Variants in CPPED1 observed in about 807,000 individuals in gnomAD.
CPPED1 encodes the protein serine/threonine-protein phosphatase CPPED1.
CPPED1 carries 28 observed loss-of-function variants against 28.0 expected under a neutral mutation model. The observed-to-expected ratio is 1.00, with a 90% CI of 0.74 to 1.37. CPPED1 has a LOEUF of 1.37. Ranked by LOEUF, CPPED1 falls within the 40% of genes most tolerant of loss-of-function variation. CPPED1 has a pLI of 0.00. For synonymous variants in CPPED1, 198 were observed against 180.2 expected (o/e 1.10, Z -0.79); for missense variants, 504 against 416.5 (o/e 1.21, Z -1.83).
In CPPED1 at chr16:12,671,438, G is replaced by GA. The variant is rs887226709; in HGVS notation, c.716-6324dup. Among the ~76,000 whole-genome samples the GA allele has an allele frequency of 4.0e-5, 6 of 150,446 alleles. No homozygotes were observed. The South Asian group carries it at 6.3e-4, about 16-fold the overall frequency. On this transcript the variant is annotated intron_variant, in intron 3 of 3. Transcript: ENST00000381774. ...GAGGAGACAAGAGAGCAAGGGGAGA[G>GA]AAAAAAAAAGGGCATGAAGGGAATA...
chr16:12,792,719 C>G (rs957889022), intron 1 of CPPED1, among the ~76,000 whole-genome samples: 1 of 152,146 alleles, frequency 6.6e-6, no homozygotes, highest in Non-Finnish European at 1.5e-5. Flanking sequence ...GAATAAGTCT[C>G]ACGAGATCTG....
intron 1 of CPPED1, among the ~76,000 whole-genome samples, chr16:12,799,159 G>C (rs893294602): frequency 4.6e-5 from 7 of 152,070 alleles, no homozygotes; most frequent in African/African-American, 1.7e-4. Flanking sequence ...GAAGGGTTCA[G>C]AGCTGTGATT....
chr16:12,677,430 G>C (rs1211308939), intron 3 of CPPED1, among the ~76,000 whole-genome samples: 9 of 152,232 alleles, frequency 5.9e-5, no homozygotes, highest in Non-Finnish European at 1.3e-4. Flanking sequence ...CTTGAGGCTA[G>C]GAGTTTGAGA....
chr16:12,756,489 C>T (rs76756046), intron 2 of CPPED1, among the ~76,000 whole-genome samples: 5 of 152,022 alleles, frequency 3.3e-5, no homozygotes, highest in South Asian at 2.1e-4. Context: ...GAGGTCAGTT[C>T]GAGACCAGCT....
At chr16:12,767,535 C>A (rs1430477075) in intron 2 of CPPED1, among the ~76,000 whole-genome samples, 1 of 152,190 alleles carries the variant, frequency 6.6e-6, no homozygotes, top group Non-Finnish European at 1.5e-5. Context: ...CTCCCCACTG[C>A]AGTCCCCAGA....
Position 12,664,755 on chromosome 16 carries a change from G to A in CPPED1, c.*131C>T. 1.3e-6 allele frequency: 2 copies of A among 1,503,138 alleles called. No individual in the cohort carries two copies. The highest frequency in any genetic ancestry group is 1.8e-6 in the Non-Finnish European group (2 of 1,136,936). The allele number at this position is 1,503,138 out of a possible 1,614,324, so 93.1% of individuals were successfully genotyped here. ...ACAGGGCCCCAGCTCTCTGATTTAT[G>A]CAAAAGGACATAAATTCACAAACCT... On this transcript the variant is annotated 3_prime_UTR_variant, in exon 4 of 4. Transcript: ENST00000381774. The surrounding 1 kb of genome is among the most constrained non-coding windows in gnomAD (Gnocchi z 4.2).
At chr16:12,801,467 T>TA (rs1172665031) in intron 1 of CPPED1, among the ~76,000 whole-genome samples, 2 of 151,684 alleles carry the variant, frequency 1.3e-5, no homozygotes, top group Non-Finnish European at 2.9e-5. Context: ...AAAAAAATAA[T>TA]ACAGCAGAGT....
intron 2 of CPPED1, among the ~76,000 whole-genome samples, chr16:12,735,923 C>T (rs1273699571): frequency 3.3e-5 from 5 of 152,300 alleles, no homozygotes; most frequent in African/African-American, 1.2e-4. Flanking sequence ...TATATTTAAA[C>T]TGCCCCTAAT....
In CPPED1 at chr16:12,664,780, T is replaced by C; in HGVS notation, c.*106A>G. On this transcript the variant is annotated 3_prime_UTR_variant, in exon 4 of 4. Transcript: ENST00000381774. The surrounding 1 kb of genome is among the most constrained non-coding windows in gnomAD (Gnocchi z 4.2). ...GCAAAAGGACATAAATTCACAAACC[T>C]GCCTGGGCTATTTTTATATTTCAGC... 6.5e-7 allele frequency: 1 copy of C among 1,535,666 alleles called. No individual in the cohort carries two copies. Among genetic ancestry groups the C allele is most frequent in the Non-Finnish European group, 8.7e-7 (1 of 1,149,506 alleles).
chr16:12,785,912 G>A (rs1198729648), intron 1 of CPPED1, among the ~76,000 whole-genome samples: 2 of 149,736 alleles, frequency 1.3e-5, no homozygotes, highest in African/African-American at 2.5e-5. Context: ...AGCACTCTGA[G>A]TATGACAGTA....
In CPPED1 at chr16:12,682,546, A is replaced by G. The variant is rs1295242033; in HGVS notation, c.716-17431T>C. On this transcript the variant is annotated intron_variant, in intron 3 of 3. Transcript: ENST00000381774. The surrounding 1 kb of genome is among the most constrained non-coding windows in gnomAD (Gnocchi z 6.1). ...GTGAACCTCAGTTCTGCTGTTGCTG[A>G]GCTGTGTAGGTGTGGCATGGGCAGC... Among the ~76,000 whole-genome samples, 1 of 152,092 alleles carries G rather than the reference A, an allele frequency of 6.6e-6. No homozygotes were observed. Among genetic ancestry groups the G allele is most frequent in the Non-Finnish European group, 1.5e-5 (1 of 68,024 alleles).
chr16:12,710,465 AAAG>A (rs1307987075), intron 2 of CPPED1, among the ~76,000 whole-genome samples: 1 of 152,020 alleles, frequency 6.6e-6, no homozygotes, highest in East Asian at 1.9e-4. Flanking sequence ...AAAAAAAAAA[AAAG>A]GAGGGGGGGA....
At chr16:12,769,073 C>T (rs950076426) in intron 2 of CPPED1, among the ~76,000 whole-genome samples, 1 of 151,996 alleles carries the variant, frequency 6.6e-6, no homozygotes, top group African/African-American at 2.4e-5. Context: ...CCATGTTGGT[C>T]AGGTTGGTCT....
rs1274554389 is a variant in CPPED1 at position 12,704,706 on chromosome 16, C to T, written c.633G>A (p.Glu211=). 1.2e-6 allele frequency: 2 copies of T among 1,614,218 alleles called. No homozygotes were observed. Among genetic ancestry groups the T allele is most frequent in the Non-Finnish European group, 1.7e-6 (2 of 1,180,044 alleles). ...AGTAGTCGTCGTCCTCGTCGATGCTCTCCAGGAACAGCGGGATGTGCTGGA... is the reference window on the plus strand; with the variant it reads ...AGTAGTCGTCGTCCTCGTCGATGCTTTCCAGGAACAGCGGGATGTGCTGGA... ...IVFQHIPLFL[E]SIDEDDDYYF... is the part of the protein sequence containing the mutation. The change falls in exon 3 of 4, where the codon GAG becomes GAA. Residue 211 remains glutamate, a synonymous_variant. Transcript: ENST00000381774.
At chr16:12,701,943 T>C (rs1226241529) in intron 3 of CPPED1, among the ~76,000 whole-genome samples, 2 of 152,216 alleles carry the variant, frequency 1.3e-5, no homozygotes, top group African/African-American at 4.8e-5. Context: ...TGTTTTCTCA[T>C]GCCTACCAAG....
intron 2 of CPPED1, among the ~76,000 whole-genome samples, chr16:12,724,060 A>G (rs2080156348): frequency 6.6e-6 from 1 of 151,892 alleles, no homozygotes; most frequent in Admixed American, 6.6e-5. Context: ...TTCCCCAAAT[A>G]ACTTGTGATG....
intron 2 of CPPED1, among the ~76,000 whole-genome samples, chr16:12,721,549 T>C (rs2080140040): frequency 6.6e-6 from 1 of 152,004 alleles, no homozygotes; most frequent in Non-Finnish European, 1.5e-5. Context: ...GGTCAGGAGT[T>C]CCAGACCAGC....
chr16:12,791,693 GT>G (rs1158230012), intron 1 of CPPED1, among the ~76,000 whole-genome samples: 1 of 152,190 alleles, frequency 6.6e-6, no homozygotes, highest in Non-Finnish European at 1.5e-5. Context: ...ATCTCAGGCA[GT>G]TGCTGCCATT....
intron 2 of CPPED1, among the ~76,000 whole-genome samples, chr16:12,731,848 A>C (rs2080199517): frequency 6.6e-6 from 1 of 151,606 alleles, no homozygotes; most frequent in Admixed American, 6.6e-5. Flanking sequence ...AACAGAGGCG[A>C]TATGGGGAGG....
Sources: allele counts gnomAD v4.1 joint callset (sites outside exome capture counted in the v4.1 genomes callset), GRCh38; gene constraint gnomAD v4.1.1; non-coding constraint Gnocchi (gnomAD v3.1); transcripts MANE v1.5; gene names NCBI Gene and HGNC (gene_info 2026-07-23, HGNC 2026-07-21).